Variants in PHF21B observed in about 807,000 individuals in gnomAD.
PHF21B encodes the protein PHD finger protein 4.
Under a neutral mutation model 62.2 loss-of-function variants are expected in PHF21B, and 22 were observed. The ratio of observed to expected loss-of-function variants is 0.35; its 90% CI spans 0.25 to 0.51. The LOEUF is 0.51. Ranked by LOEUF, PHF21B falls within the 20% of genes least tolerant of loss-of-function variation. The pLI is 0.97. For missense variants in PHF21B, 701 were observed against 707.9 expected, an observed-to-expected ratio of 0.99 and a Z score of 0.11; for synonymous variants, 341 against 314.7, an observed-to-expected ratio of 1.08 and a Z score of -0.88.
chr22:44,928,752 G>A (rs1025139669), intron 2 of PHF21B, among the ~76,000 whole-genome samples: 1 of 152,222 alleles, frequency 6.6e-6, no homozygotes, highest in African/African-American at 2.4e-5. Context: ...GTCTACAGAA[G>A]GCGCTGGGTT....
At chr22:44,992,799 C>T (rs969495186) in intron 2 of PHF21B, among the ~76,000 whole-genome samples, 1 of 152,206 alleles carries the variant, frequency 6.6e-6, no homozygotes, top group African/African-American at 2.4e-5. Flanking sequence ...CGCTGACCCC[C>T]CAGAGAGGCT....
chr22:44,922,581 G>A (rs541399716), intron 2 of PHF21B, among the ~76,000 whole-genome samples: 25 of 150,912 alleles, frequency 1.7e-4, no homozygotes, highest in South Asian at 1.3e-3. Flanking sequence ...GCAGTGAGCC[G>A]AGATCACACC....
chr22:44,889,134 A>G (rs1374539717), intron 9 of PHF21B, among the ~76,000 whole-genome samples: 1 of 152,276 alleles, frequency 6.6e-6, no homozygotes, highest in Non-Finnish European at 1.5e-5. Flanking sequence ...AGTTACAAGC[A>G]TGCAGGGACT....
chr22:44,994,732 G>A (rs1318653947), intron 2 of PHF21B, among the ~76,000 whole-genome samples: 2 of 152,096 alleles, frequency 1.3e-5, no homozygotes, highest in Non-Finnish European at 2.9e-5. Context: ...TTCCTCCCCT[G>A]GCACCCACTT....
rs747469775 is a variant in PHF21B at position 45,008,619 on chromosome 22, A to T, written c.55-9T>A. 4.4e-6 allele frequency: 7 copies of T among 1,578,628 alleles called. No homozygotes were observed. The highest frequency in any genetic ancestry group is 5.2e-6 in the Non-Finnish European group (6 of 1,162,682). On this transcript the variant is annotated splice_polypyrimidine_tract_variant and intron_variant, in intron 1 of 12. Transcript: ENST00000313237. ...TTCTTGAGGTCGCCGTTCTGCGGAAACACGGAGGAGCGGGCTCAGGCAGGC... is the reference window on the plus strand; with the variant it reads ...TTCTTGAGGTCGCCGTTCTGCGGAATCACGGAGGAGCGGGCTCAGGCAGGC...
In PHF21B at chr22:44,931,565, G is replaced by A. The variant is rs376653777; in HGVS notation, c.121-11075C>T. On this transcript the variant is annotated intron_variant, in intron 2 of 12. Coordinates refer to ENST00000313237, the MANE Select transcript of PHF21B (RefSeq NM_138415.5). ...AGCAGTTTGTTTAAGTTGAAAGGAT[G>A]TAATTTTATGCTATTTAGCAAAAAA... is the stretch of plus-strand genomic sequence containing the variant. 3.5e-5 allele frequency among the ~76,000 whole-genome samples: 5 copies of A among 143,208 alleles called. No homozygotes were observed. The South Asian group carries it at 6.7e-4, about 19-fold the overall frequency. 94.0% of individuals were successfully genotyped at this position (143,208 alleles called of 152,430 possible).
At chr22:44,957,922 G>A (rs1214868827) in intron 2 of PHF21B, among the ~76,000 whole-genome samples, 2 of 143,676 alleles carry the variant, frequency 1.4e-5, no homozygotes, top group African/African-American at 2.6e-5. Context: ...TTTTTTTTGA[G>A]ATGGAGTTTC....
chr22:44,989,703 A>C (rs1332565259), intron 2 of PHF21B, among the ~76,000 whole-genome samples: 1 of 138,714 alleles, frequency 7.2e-6, no homozygotes, highest in African/African-American at 2.7e-5. Context: ...TCCGCATCCC[A>C]GGTTCAAGCG....
chr22:44,910,033 A>C (rs1259491338), intron 5 of PHF21B, among the ~76,000 whole-genome samples: 1 of 152,182 alleles, frequency 6.6e-6, no homozygotes, highest in Non-Finnish European at 1.5e-5. Flanking sequence ...TGATGTCCCT[A>C]GCCTTTGGCA....
intron 2 of PHF21B, among the ~76,000 whole-genome samples, chr22:44,965,354 C>A (rs2072504352): frequency 6.6e-6 from 1 of 151,994 alleles, no homozygotes; most frequent in South Asian, 2.1e-4. Flanking sequence ...CTGTGCCTAT[C>A]CCTCCCCCGC....
intron 6 of PHF21B, among the ~76,000 whole-genome samples, chr22:44,895,055 C>T (rs1031771286): frequency 3.9e-5 from 6 of 152,236 alleles, no homozygotes; most frequent in South Asian, 2.1e-4. Flanking sequence ...GAACGCTAGG[C>T]GAACCTTCCC....
At chr22:44,946,437 C>G (rs1368348526) in intron 2 of PHF21B, among the ~76,000 whole-genome samples, 1 of 152,060 alleles carries the variant, frequency 6.6e-6, no homozygotes, top group African/African-American at 2.4e-5. Flanking sequence ...TGCTGGCGTC[C>G]TGGGCGCTCA....
intron 2 of PHF21B, among the ~76,000 whole-genome samples, chr22:44,965,380 C>CA (rs1400930806): frequency 6.6e-6 from 1 of 152,058 alleles, no homozygotes; most frequent in Non-Finnish European, 1.5e-5. Flanking sequence ...CTACACTAGC[C>CA]ACCTGCACCC....
intron 2 of PHF21B, among the ~76,000 whole-genome samples, chr22:44,982,262 G>A (rs934857965): frequency 6.6e-6 from 1 of 152,248 alleles, no homozygotes; most frequent in African/African-American, 2.4e-5. Flanking sequence ...GAATGAGTGA[G>A]TGAATGACCC....
intron 2 of PHF21B, among the ~76,000 whole-genome samples, chr22:45,002,183 A>G (rs1485320314): frequency 6.6e-6 from 1 of 152,244 alleles, no homozygotes; most frequent in Non-Finnish European, 1.5e-5. Flanking sequence ...CATAGGCTTT[A>G]CATGTCTACT....
In PHF21B at chr22:45,009,418, G is replaced by C. The variant is rs1362849953; in HGVS notation, c.54+78C>G. On this transcript the variant is annotated intron_variant, in intron 1 of 12. Transcript: ENST00000313237. This position sits in a 1 kb window ranked among gnomAD's most constrained non-coding sequence, Gnocchi z 5.9. ...GAAGACCCAGAGACCCGGAAGAGAG[G>C]ATGCTGGGCTCGGGTCCCCCGACCC... 1 of 1,382,768 alleles carries C rather than the reference G, an allele frequency of 7.2e-7. No homozygotes were observed. Among genetic ancestry groups the C allele is most frequent in the African/African-American group, 1.5e-5 (1 of 67,186 alleles). The allele number at this position is 1,382,768 out of a possible 1,614,324, so 85.7% of individuals were successfully genotyped here.
chr22:44,944,800 C>T (rs1459882546), intron 2 of PHF21B, among the ~76,000 whole-genome samples: 1 of 137,118 alleles, frequency 7.3e-6, no homozygotes, highest in Non-Finnish European at 1.6e-5. Context: ...AACCCTTTGC[C>T]CAGCCCATCG....
At position 44,891,493 on chromosome 22, in the gene PHF21B, C is replaced by A. The variant is rs1262563850; in HGVS notation, c.961-133G>T. 7 of 1,007,780 alleles carry A rather than the reference C, an allele frequency of 6.9e-6. No individual in the cohort carries two copies. The East Asian group carries it at 1.5e-4, about 22-fold the overall frequency. The allele number at this position is 1,007,780 out of a possible 1,614,324, so 62.4% of individuals were successfully genotyped here. On this transcript the variant is annotated intron_variant, in intron 7 of 12. Transcript: ENST00000313237. Reference sequence around the variant, plus strand: ...GCTCCAGGCTCTGGCTGGACACCCCCTGCCAGGGGCAGAAATAGGAACAAA... The same window carrying A: ...GCTCCAGGCTCTGGCTGGACACCCCATGCCAGGGGCAGAAATAGGAACAAA...
At chr22:44,921,519 C>T (rs1248574681) in intron 2 of PHF21B, among the ~76,000 whole-genome samples, 1 of 151,112 alleles carries the variant, frequency 6.6e-6, no homozygotes, top group Non-Finnish European at 1.5e-5. Context: ...GGCGCTGCCA[C>T]CACGCCTGGC....
Sources: gnomAD v4.1 joint callset for allele counts (sites outside exome capture counted in the v4.1 genomes callset) on GRCh38, gnomAD v4.1.1 for gene constraint, Gnocchi (gnomAD v3.1) non-coding constraint, MANE v1.5 for transcripts, NCBI Gene and HGNC (gene_info 2026-07-23, HGNC 2026-07-21) for gene names.